The following TTC34 variants were observed in gnomAD, a reference collection of about 807,000 sequenced individuals.
TTC34 encodes the protein tetratricopeptide repeat domain 34.
Under a neutral mutation model 40.7 loss-of-function variants are expected in TTC34, and 44 were observed. The observed-to-expected ratio is 1.08, with a 90% CI of 0.85 to 1.39. The LOEUF is 1.39. Ranked by LOEUF, TTC34 falls within the 40% of genes most tolerant of loss-of-function variation. TTC34 has a pLI of 0.00. For missense variants in TTC34, 884 were observed against 838.0 expected (o/e 1.05, Z -0.68); for synonymous variants, 422 against 398.6 (o/e 1.06, Z -0.70).
At chr1:2,749,388 G>T (rs1326753943) in intron 6 of TTC34, among the ~76,000 whole-genome samples, 1,439 of 16,340 alleles carry the variant, frequency 0.088, 16 homozygotes, top group African/African-American at 0.15. Flanking sequence ...TGACAGCCTG[G>T]AACAGCACCC....
At chr1:2,692,073 G>A (rs1640645523) in intron 6 of TTC34, among the ~76,000 whole-genome samples, 2 of 122,016 alleles carry the variant, frequency 1.6e-5, no homozygotes, top group African/African-American at 3.0e-5. Flanking sequence ...ACCCCCAGGT[G>A]AACATCCGAC....
chr1:2,688,539 G>C (rs1249824658), intron 6 of TTC34, among the ~76,000 whole-genome samples: 2 of 142,030 alleles, frequency 1.4e-5, no homozygotes, highest in East Asian at 4.2e-4. Flanking sequence ...ACCCACAGGC[G>C]AGCACCTGAA....
chr1:2,752,381 G>T (rs1310018154), intron 6 of TTC34, among the ~76,000 whole-genome samples: 1 of 130,610 alleles, frequency 7.7e-6, no homozygotes, highest in Non-Finnish European at 1.6e-5. Flanking sequence ...CCCCAGGCGA[G>T]CATCTGAGAG....
At chr1:2,748,149 A>C (rs1248458320) in intron 6 of TTC34, among the ~76,000 whole-genome samples, 1 of 69,488 alleles carries the variant, frequency 1.4e-5, no homozygotes, top group Non-Finnish European at 2.5e-5. Flanking sequence ...CTCATGGAGC[A>C]GCACCCACAC....
intron 2 of TTC34, among the ~76,000 whole-genome samples, chr1:2,799,601 G>A (rs560029892): frequency 9.2e-5 from 14 of 151,932 alleles, no homozygotes; most frequent in Admixed American, 2.6e-4. Flanking sequence ...ACAGACTGAG[G>A]GTAACATCCA....
chr1:2,699,527 C>G (rs537157118), intron 6 of TTC34, among the ~76,000 whole-genome samples: 1 of 133,706 alleles, frequency 7.5e-6, no homozygotes, highest in Non-Finnish European at 1.7e-5. Flanking sequence ...TGGAACACCA[C>G]CCACATCCCC....
chr1:2,751,403 A>C (rs1641314463), intron 6 of TTC34, among the ~76,000 whole-genome samples: 2 of 143,082 alleles, frequency 1.4e-5, no homozygotes, highest in Admixed American at 7.0e-5. Flanking sequence ...AGCAGCACCC[A>C]CACACACAGG....
At chr1:2,683,776 C>T (rs1640191590) in intron 6 of TTC34, among the ~76,000 whole-genome samples, 1 of 150,802 alleles carries the variant, frequency 6.6e-6, no homozygotes, top group African/African-American at 2.5e-5. Flanking sequence ...ATCTGACAGG[C>T]TGGAGCAGCA....
chr1:2,780,256 TTATA>T (rs1049080380), intron 6 of TTC34, among the ~76,000 whole-genome samples: 4 of 152,232 alleles, frequency 2.6e-5, no homozygotes, highest in Non-Finnish European at 5.9e-5. Flanking sequence ...TTTTACTCTA[TTATA>T]ATAGTGTCCT....
intron 6 of TTC34, among the ~76,000 whole-genome samples, chr1:2,688,135 C>T (rs796135999): frequency 1.9e-3 from 109 of 58,684 alleles, no homozygotes; most frequent in African/African-American, 5.0e-3. Context: ...CACCCCCAGG[C>T]GAGCATCTGA....
At chr1:2,642,219 T>C (rs1416359744) in intron 8 of TTC34, among the ~76,000 whole-genome samples, 5 of 152,306 alleles carry the variant, frequency 3.3e-5, no homozygotes, top group African/African-American at 1.2e-4. Flanking sequence ...ATCAGGGACC[T>C]GGATTTACCT....
At chr1:2,750,127 C>CT (rs2100426587) in intron 6 of TTC34, among the ~76,000 whole-genome samples, 2,555 of 43,254 alleles carry the variant, frequency 0.059, no homozygotes, top group East Asian at 0.091. Context: ...CCCACACACC[C>CT]AGGTGAGCAT....
chr1:2,756,444 AC>A (rs1641508309), intron 6 of TTC34, among the ~76,000 whole-genome samples: 2 of 74,728 alleles, frequency 2.7e-5, no homozygotes, highest in Non-Finnish European at 2.6e-5. Flanking sequence ...TGAGCATCTG[AC>A]AGCCTGGAAG....
At chr1:2,749,065 T>G (rs1420797882) in intron 6 of TTC34, among the ~76,000 whole-genome samples, 5 of 136,418 alleles carry the variant, frequency 3.7e-5, no homozygotes, top group African/African-American at 1.4e-4. Context: ...TCCGACAGCC[T>G]GGAGCAGCAC....
chr1:2,688,310 C>G (rs534508116), intron 6 of TTC34, among the ~76,000 whole-genome samples: 2 of 83,268 alleles, frequency 2.4e-5, no homozygotes, highest in African/African-American at 1.4e-4. Context: ...CATCTGACAG[C>G]CTGGAGCAGA....
intron 6 of TTC34, among the ~76,000 whole-genome samples, chr1:2,755,605 C>T (rs1449788676): frequency 8.0e-6 from 1 of 124,296 alleles, no homozygotes; most frequent in African/African-American, 3.6e-5. Context: ...ATCCGACAGC[C>T]TGGAGCAGCA....
rs1641345247 is a variant in TTC34 at position 2,752,258 on chromosome 1, G to A, written c.2226+31351C>T. Among the ~76,000 whole-genome samples, 4 of 101,804 alleles carry A rather than the reference G, an allele frequency of 3.9e-5. 2 individuals carry two copies. The highest frequency in any genetic ancestry group is 7.5e-5 in the Non-Finnish European group (4 of 52,986). The allele number at this position is 101,804 out of a possible 152,430, so 66.8% of individuals were successfully genotyped here. A position where few individuals can be genotyped will look rare whatever the true frequency, so the allele number is the denominator to read the frequency against. On this transcript the variant is annotated intron_variant, in intron 6 of 8. Coordinates refer to ENST00000401095, the Ensembl canonical transcript of TTC34. ...TGGAACAGCTCCCAAATGCCCAGCT[G>A]AGCCTCTGACAGCCTGGAACAGCAC...
At chr1:2,798,037 T>A (rs1462355745) in intron 2 of TTC34, among the ~76,000 whole-genome samples, 3 of 147,232 alleles carry the variant, frequency 2.0e-5, no homozygotes, top group African/African-American at 5.1e-5. Flanking sequence ...AGCCTCCCAG[T>A]CTCTCAGCCT....
intron 6 of TTC34, among the ~76,000 whole-genome samples, chr1:2,650,785 C>A (rs974002047): frequency 6.6e-6 from 1 of 150,796 alleles, no homozygotes; most frequent in South Asian, 2.1e-4. Context: ...AGCTCTCCCC[C>A]ATGCAAGGTG....
Sources: allele counts gnomAD v4.1 joint callset (sites outside exome capture counted in the v4.1 genomes callset), GRCh38; gene constraint gnomAD v4.1.1; transcripts MANE v1.5; gene names NCBI Gene and HGNC (gene_info 2026-07-23, HGNC 2026-07-21).